AP1S3: variants seen among roughly 807,000 people sequenced by gnomAD.
The protein encoded by AP1S3 is adaptor related protein complex 1 subunit sigma 3, also known as AP-1 complex subunit sigma-3.
A neutral mutation model predicts 20.9 loss-of-function variants in AP1S3; 10 were observed. That is an observed-to-expected ratio of 0.48 (90% CI 0.29 to 0.81). The LOEUF is 0.81. Ranked by LOEUF, AP1S3 falls within the 30% of genes least tolerant of loss-of-function variation. AP1S3 has a pLI of 0.08. For synonymous variants in AP1S3, 41 were observed against 61.5 expected, an observed-to-expected ratio of 0.67 and a Z score of 1.56; for missense variants, 154 against 183.8, an observed-to-expected ratio of 0.84 and a Z score of 0.94.
intron 1 of AP1S3, among the ~76,000 whole-genome samples, chr2:223,799,542 A>G (rs1691419818): frequency 6.6e-6 from 1 of 152,176 alleles, no homozygotes; most frequent in Admixed American, 6.5e-5. Flanking sequence ...TTAATCTCAA[A>G]AATCATCACT....
chr2:223,785,285 T>C (rs780869240), intron 1 of AP1S3, among the ~76,000 whole-genome samples: 22 of 152,096 alleles, frequency 1.4e-4, no homozygotes, highest in Non-Finnish European at 2.9e-4. Context: ...GAGGCTGCAG[T>C]GAGCCAAGAT....
chr2:223,799,708 A>C (rs1362281083), intron 1 of AP1S3, among the ~76,000 whole-genome samples: 1 of 152,208 alleles, frequency 6.6e-6, no homozygotes, highest in African/African-American at 2.4e-5. Flanking sequence ...TCCTAGACTC[A>C]CAAAATTCTA....
rs116058193 is a variant in AP1S3 at position 223,832,390 on chromosome 2, C to G, written c.3+5058G>C. 6.1e-3 allele frequency among the ~76,000 whole-genome samples: 921 copies of G among 150,772 alleles called. 11 individuals are homozygous for G. Among genetic ancestry groups the G allele is most frequent in the African/African-American group, 0.021 (869 of 40,944 alleles). On this transcript the variant is annotated intron_variant, in intron 1 of 4. Coordinates refer to ENST00000396654, the MANE Select transcript of AP1S3 (RefSeq NM_001039569.2). The stretch of plus-strand genomic sequence containing the variant: ...ACAAACAAAACGAGTGATAGAAACT[C>G]GGTAGTAACAATCCTGGTGAGGAGT...
chr2:223,773,289 G>A (rs1465054005), intron 3 of AP1S3: 10 of 1,301,868 alleles, frequency 7.7e-6, no homozygotes, highest in Admixed American at 2.3e-5. Context: ...AGAAAGAGAA[G>A]GCAGGTTACG....
chr2:223,785,050 G>T (rs1200106493), intron 1 of AP1S3, among the ~76,000 whole-genome samples: 1 of 151,980 alleles, frequency 6.6e-6, no homozygotes, highest in East Asian at 1.9e-4. Context: ...ATACAATGTT[G>T]TTTAAAAAAG....
intron 1 of AP1S3, among the ~76,000 whole-genome samples, chr2:223,817,621 A>AG (rs368339428): frequency 0.32 from 47,267 of 148,444 alleles, 8,291 homozygotes; most frequent in Middle Eastern, 0.42. Flanking sequence ...AAAAAAAAAA[A>AG]AAAGAAAAGA....
At chr2:223,812,178 C>T (rs1280469611) in intron 1 of AP1S3, among the ~76,000 whole-genome samples, 1 of 152,090 alleles carries the variant, frequency 6.6e-6, no homozygotes, top group Non-Finnish European at 1.5e-5. Context: ...GATCTTCTTC[C>T]ATTTATGCAT....
chr2:223,822,098 A>C (rs1692000522), intron 1 of AP1S3, among the ~76,000 whole-genome samples: 1 of 152,156 alleles, frequency 6.6e-6, no homozygotes, highest in African/African-American at 2.4e-5. Flanking sequence ...TGCTATTAAA[A>C]TCAACTCCTG....
At chr2:223,768,504 T>C (rs1407765277) in intron 3 of AP1S3, among the ~76,000 whole-genome samples, 3 of 152,164 alleles carry the variant, frequency 2.0e-5, no homozygotes, top group Non-Finnish European at 4.4e-5. Flanking sequence ...ATCCCTGGTT[T>C]CTGGCACATT....
At chr2:223,813,362 T>G (rs1691777252) in intron 1 of AP1S3, among the ~76,000 whole-genome samples, 1 of 152,194 alleles carries the variant, frequency 6.6e-6, no homozygotes, top group South Asian at 2.1e-4. Context: ...TAATATTAAT[T>G]TACTGCTTTT....
At chr2:223,797,077 T>A (rs537169313) in intron 1 of AP1S3, among the ~76,000 whole-genome samples, 5 of 152,312 alleles carry the variant, frequency 3.3e-5, no homozygotes, top group Admixed American at 6.5e-5. Flanking sequence ...GGTGAATCAC[T>A]TTCACTCTTT....
At chr2:223,789,297 TAAG>T (rs1691152967) in intron 1 of AP1S3, among the ~76,000 whole-genome samples, 2 of 152,114 alleles carry the variant, frequency 1.3e-5, no homozygotes, top group South Asian at 4.1e-4. Context: ...AAAAAAGAGA[TAAG>T]AAAAAGTTCT....
chr2:223,765,473 G>A, intron 3 of AP1S3, 123 bp from the exon 4 acceptor site: 1 of 989,474 alleles, frequency 1.0e-6, no homozygotes, highest in Non-Finnish European at 1.4e-6. Flanking sequence ...ATATCAGATG[G>A]CATTTTAAGG....
chr2:223,788,811 TG>T (rs1265887178), intron 1 of AP1S3, among the ~76,000 whole-genome samples: 57 of 150,348 alleles, frequency 3.8e-4, no homozygotes, highest in African/African-American at 1.4e-3. Context: ...TATTTGCAGA[TG>T]CCTGCCACCC....
intron 3 of AP1S3, 33 bp from the exon 4 acceptor site, chr2:223,765,383 T>C (rs755948015): frequency 1.8e-5 from 28 of 1,584,394 alleles, no homozygotes; most frequent in African/African-American, 2.7e-5. Flanking sequence ...TTTGATAAAC[T>C]TGCAGTTGTA....
At chr2:223,771,786 C>T (rs1210405399) in intron 3 of AP1S3, among the ~76,000 whole-genome samples, 1 of 152,174 alleles carries the variant, frequency 6.6e-6, no homozygotes, top group Non-Finnish European at 1.5e-5. Flanking sequence ...TAATAGTAAA[C>T]TATATAACTA....
intron 1 of AP1S3, among the ~76,000 whole-genome samples, chr2:223,808,251 C>A (rs980315290): frequency 6.6e-6 from 1 of 152,096 alleles, no homozygotes; most frequent in African/African-American, 2.4e-5. Context: ...CAACGAGAAC[C>A]CTATCCTGCT....
chr2:223,769,216 A>C (rs1356833457), intron 3 of AP1S3, among the ~76,000 whole-genome samples: 1 of 152,206 alleles, frequency 6.6e-6, no homozygotes, highest in Admixed American at 6.5e-5. Context: ...ATTGTATACT[A>C]ATTTGAGTAT....
intron 1 of AP1S3, among the ~76,000 whole-genome samples, chr2:223,789,370 C>A (rs991264408): frequency 2.0e-5 from 3 of 151,544 alleles, no homozygotes; most frequent in Non-Finnish European, 2.9e-5. Context: ...TAAACTGGAC[C>A]CCCCCCAAAA....
Sources: gnomAD v4.1 joint callset for allele counts (sites outside exome capture counted in the v4.1 genomes callset) on GRCh38, gnomAD v4.1.1 for gene constraint, MANE v1.5 for transcripts, NCBI Gene and HGNC (gene_info 2026-07-23, HGNC 2026-07-21) for gene names.